The following LDLRAD4 variants were observed in gnomAD, a reference collection of about 807,000 sequenced individuals.
LDLRAD4 encodes low-density lipoprotein receptor class A domain-containing protein 4.
LDLRAD4 carries 5 observed loss-of-function variants against 17.0 expected under a neutral mutation model. That is an observed-to-expected ratio of 0.29 (90% CI 0.15 to 0.62). The LOEUF (loss-of-function observed/expected upper bound fraction) is 0.62, where lower values mean the gene tolerates loss of function less well. LDLRAD4 is among the 20% of genes least tolerant of loss of function. The pLI, the probability that LDLRAD4 is intolerant of heterozygous loss-of-function variation, is 0.84. For missense variants in LDLRAD4, 340 were observed against 424.7 expected, an observed-to-expected ratio of 0.80 and a Z score of 1.75; for synonymous variants, 168 against 171.8, an observed-to-expected ratio of 0.98 and a Z score of 0.17.
At chr18:13,528,261 G>A (rs1179135691) in intron 3 of LDLRAD4, among the ~76,000 whole-genome samples, 1 of 152,224 alleles carries the variant, frequency 6.6e-6, no homozygotes, top group African/African-American at 2.4e-5. Context: ...CTGAGCTGGA[G>A]ACGCCTTACC....
At chr18:13,369,935 C>A (rs1288174780) in intron 1 of LDLRAD4, among the ~76,000 whole-genome samples, 1 of 152,354 alleles carries the variant, frequency 6.6e-6, no homozygotes, top group African/African-American at 2.4e-5. Flanking sequence ...GCCTGCCACC[C>A]AGGAGCGAGC....
chr18:13,470,702 A>G (rs1032076641), intron 3 of LDLRAD4: 2 of 151,276 alleles, frequency 1.3e-5, no homozygotes, highest in Non-Finnish European at 2.9e-5. Flanking sequence ...CTGCTCTGGT[A>G]TGGGCCTGGA....
intron 1 of LDLRAD4, among the ~76,000 whole-genome samples, chr18:13,365,285 C>A (rs944689764): frequency 2.6e-5 from 4 of 152,160 alleles, no homozygotes; most frequent in African/African-American, 9.7e-5. Flanking sequence ...ATAGAAAGCT[C>A]CGTTAACTAA....
intron 2 of LDLRAD4, among the ~76,000 whole-genome samples, chr18:13,399,882 A>G (rs1410649901): frequency 1.3e-5 from 2 of 152,262 alleles, no homozygotes; most frequent in Non-Finnish European, 2.9e-5. Flanking sequence ...TTCCGTGAAG[A>G]TCGATTTCCC....
chr18:13,519,697 G>T (rs1444434810), intron 3 of LDLRAD4: 3 of 152,194 alleles, frequency 2.0e-5, no homozygotes. Context: ...CCCAGGAGGT[G>T]GAGGTTGCAG....
rs151159561 is a variant in LDLRAD4 at position 13,410,975 on chromosome 18, G to T, written c.40+23213G>T. On this transcript the variant is annotated intron_variant, in intron 2 of 5. Coordinates refer to ENST00000359446, the Ensembl canonical transcript of LDLRAD4. ...TATTATAAGTATCAATACGGGCCAG[G>T]TGCGGTGGCTTACGCCTATAATCCC... is the stretch of plus-strand genomic sequence containing the variant. Among the ~76,000 whole-genome samples the T allele has an allele frequency of 5.1e-3, 773 of 152,322 alleles. 13 individuals carry two copies. The East Asian group carries it at 0.056, about 11-fold the overall frequency.
In LDLRAD4 at chr18:13,503,575, G is replaced by A. The variant is rs1488350430; in HGVS notation, c.181+65191G>A. Among the ~76,000 whole-genome samples, 4 of 152,296 alleles carry A rather than the reference G, an allele frequency of 2.6e-5. No individual in the cohort carries two copies. In the East Asian group the frequency reaches 5.8e-4, roughly 22 times the overall value. On this transcript the variant is annotated intron_variant, in intron 3 of 5. Transcript: ENST00000359446. ...CAGAAGGGGGCTTCCTTGCTGTGCA[G>A]GAGACCTGTGGATCCAGTGGAAAGC...
chr18:13,454,110 C>A (rs780331368), intron 3 of LDLRAD4, among the ~76,000 whole-genome samples: 5 of 152,126 alleles, frequency 3.3e-5, no homozygotes, highest in Middle Eastern at 3.2e-3. Context: ...ATAAGGTGTG[C>A]TGTCTTTCTG....
At chr18:13,469,006 T>TA (rs142640894) in intron 3 of LDLRAD4, among the ~76,000 whole-genome samples, 1 of 151,542 alleles carries the variant, frequency 6.6e-6, no homozygotes, top group Non-Finnish European at 1.5e-5. Context: ...ATAATAATAA[T>TA]AAAAAAAGAA....
intron 3 of LDLRAD4, among the ~76,000 whole-genome samples, chr18:13,450,337 C>CCCCAA (rs367571092): frequency 1.7e-4 from 20 of 115,594 alleles, no homozygotes; most frequent in South Asian, 2.9e-4. Flanking sequence ...CCCCCCCCCC[C>CCCCAA]AAAAAAACAC....
chr18:13,252,629 C>T (rs907046199), intron 1 of LDLRAD4, among the ~76,000 whole-genome samples: 1 of 152,188 alleles, frequency 6.6e-6, no homozygotes, highest in Non-Finnish European at 1.5e-5. Context: ...CCTGGGAACT[C>T]GGTGGTGCCC....
chr18:13,356,754 T>TG (rs779465958), intron 1 of LDLRAD4, among the ~76,000 whole-genome samples: 82 of 152,162 alleles, frequency 5.4e-4, no homozygotes, highest in Non-Finnish European at 8.8e-4. Context: ...GTCTTGAAAT[T>TG]TATAATAATG....
At chr18:13,419,590 G>C (rs1021414075) in intron 2 of LDLRAD4, 18 of 152,042 alleles carry the variant, frequency 1.2e-4, no homozygotes, top group African/African-American at 4.3e-4. Context: ...CCGTTTATAG[G>C]TATCCAAACT....
intron 3 of LDLRAD4, among the ~76,000 whole-genome samples, chr18:13,616,928 A>C (rs981507392): frequency 2.0e-5 from 3 of 151,850 alleles, no homozygotes; most frequent in African/African-American, 7.3e-5. Context: ...GTGAACCCCC[A>C]GGGCCGACGC....
At chr18:13,611,840 G>T in intron 3 of LDLRAD4, 2 of 985,562 alleles carry the variant, frequency 2.0e-6, no homozygotes, top group Non-Finnish European at 2.4e-6. Context: ...AGGACCTCAC[G>T]CCTTGCCAGT....
chr18:13,243,307 A>G lies in LDLRAD4; in HGVS notation c.-467+24319A>G, dbSNP rs182768715. On this transcript the variant is annotated intron_variant, in intron 1 of 5. Coordinates refer to the LDLRAD4 transcript ENST00000399848. The stretch of plus-strand genomic sequence containing the variant: ...CCTTGGGCACGTCACTAACTTCTGT[A>G]GAGTGGACACTGGAATATCTCTCAA... 2.5e-3 allele frequency among the ~76,000 whole-genome samples: 381 copies of G among 152,278 alleles called. 1 individual carries two copies. Among genetic ancestry groups the G allele is most frequent in the African/African-American group, 8.8e-3 (366 of 41,550 alleles).
chr18:13,520,032 A>G (rs1212873896), intron 3 of LDLRAD4: 2 of 152,252 alleles, frequency 1.3e-5, no homozygotes, highest in African/African-American at 4.8e-5. Context: ...CACATGAAAA[A>G]GAGGGTAGAC....
intron 1 of LDLRAD4, among the ~76,000 whole-genome samples, chr18:13,324,313 A>ATT (rs11415761): frequency 0.061 from 8,971 of 147,702 alleles, 654 homozygotes; most frequent in East Asian, 0.31. Flanking sequence ...AATTTTTCGT[A>ATT]TTTTTTTTTT....
Position 13,645,633 on chromosome 18 carries a change from T to C in LDLRAD4, c.897T>C (p.Asp299=), listed in dbSNP as rs2042984637. The change falls in exon 6 of 6, where the codon GAT becomes GAC. Residue 299 remains aspartate, a synonymous_variant. Transcript: ENST00000359446. This position sits in a 1 kb window ranked among gnomAD's most constrained non-coding sequence, Gnocchi z 5.7. Reference sequence around the variant, plus strand: ...CAATAGTACCCATCAAAGGCAAAGATAGGAAGCCTGGGAACCTGGTCTGAT... The same window carrying C: ...CAATAGTACCCATCAAAGGCAAAGACAGGAAGCCTGGGAACCTGGTCTGAT... 2 of 1,515,768 alleles carry C rather than the reference T, an allele frequency of 1.3e-6. No individual in the cohort carries two copies. Among genetic ancestry groups the C allele is most frequent in the South Asian group, 1.3e-5 (1 of 74,700 alleles). The allele number at this position is 1,515,768 out of a possible 1,614,324, so 93.9% of individuals were successfully genotyped here.
Sources: gnomAD v4.1 joint callset for allele counts (sites outside exome capture counted in the v4.1 genomes callset) on GRCh38, gnomAD v4.1.1 for gene constraint, Gnocchi (gnomAD v3.1) non-coding constraint, MANE v1.5 for transcripts, NCBI Gene and HGNC (gene_info 2026-07-23, HGNC 2026-07-21) for gene names.